Variants in TRPM6 observed in about 807,000 individuals in gnomAD.
The protein encoded by TRPM6 is channel kinase 2.
A neutral mutation model predicts 247.6 loss-of-function variants in TRPM6; 111 were observed. The ratio of observed to expected loss-of-function variants is 0.45; its 90% CI spans 0.38 to 0.52. The LOEUF (loss-of-function observed/expected upper bound fraction) is 0.52, where lower values mean the gene tolerates loss of function less well. TRPM6 is among the 20% of genes least tolerant of loss of function. The pLI, the probability that TRPM6 is intolerant of heterozygous loss-of-function variation, is 0.00. For missense variants in TRPM6, 2,126 were observed against 2,421.5 expected, an observed-to-expected ratio of 0.88 and a Z score of 2.56; for synonymous variants, 892 against 853.8, an observed-to-expected ratio of 1.04 and a Z score of -0.78.
intron 36 of TRPM6, among the ~76,000 whole-genome samples, chr9:74,733,258 A>G (rs931934016): frequency 3.3e-5 from 5 of 152,124 alleles, no homozygotes; most frequent in African/African-American, 9.7e-5. Flanking sequence ...AAATATATGA[A>G]GATACATAAA....
chr9:74,766,516 A>G (rs1349202262), intron 25 of TRPM6, among the ~76,000 whole-genome samples: 1 of 152,236 alleles, frequency 6.6e-6, no homozygotes. Flanking sequence ...CTGAGTGCTC[A>G]CTATGTGCCA....
At position 74,766,767 on chromosome 9, in the gene TRPM6, G is replaced by A. The variant is rs543449108; in HGVS notation, c.3537-3633C>T. On this transcript the variant is annotated intron_variant, in intron 25 of 38. Coordinates refer to ENST00000360774, the MANE Select transcript of TRPM6 (RefSeq NM_017662.5). ...CTCTACTAAAAAAAAAAAAATAGCC[G>A]GGCGTGGTGGCAGGCACCTGTAATC... Among the ~76,000 whole-genome samples the A allele has an allele frequency of 5.3e-5, 8 of 152,042 alleles. No homozygotes were observed. In the South Asian group the frequency reaches 6.2e-4, roughly 12 times the overall value.
chr9:74,747,511 C>T (rs1056983712), intron 31 of TRPM6, among the ~76,000 whole-genome samples: 1 of 152,154 alleles, frequency 6.6e-6, no homozygotes, highest in Non-Finnish European at 1.5e-5. Context: ...GGCCCCAGAT[C>T]TTACTAAAAC....
chr9:74,793,961 C>A (rs550931812), intron 18 of TRPM6, among the ~76,000 whole-genome samples: 2 of 151,936 alleles, frequency 1.3e-5, no homozygotes, highest in Non-Finnish European at 2.9e-5. Flanking sequence ...TACAAACACC[C>A]ATGCAGAATG....
intron 1 of TRPM6, chr9:74,875,267 G>T (rs1564062443): frequency 2.2e-6 from 1 of 455,220 alleles, no homozygotes; most frequent in East Asian, 7.0e-5. Context: ...GGAGGGCTGG[G>T]TGTGGTGACT....
chr9:74,770,149 C>T (rs1826982125), intron 25 of TRPM6, among the ~76,000 whole-genome samples: 1 of 151,966 alleles, frequency 6.6e-6, no homozygotes, highest in Non-Finnish European at 1.5e-5. Flanking sequence ...AAATATGGTA[C>T]CAATAGAGAA....
At chr9:74,771,539 A>C (rs1186277973) in intron 25 of TRPM6, among the ~76,000 whole-genome samples, 164 bp downstream of exon 25, 1 of 152,242 alleles carries the variant, frequency 6.6e-6, no homozygotes, top group Admixed American at 6.5e-5. Context: ...GTAGATGCTT[A>C]ATAAATATAC....
chr9:74,870,265 T>C (rs950452481), intron 1 of TRPM6, among the ~76,000 whole-genome samples: 1 of 152,170 alleles, frequency 6.6e-6, no homozygotes, highest in African/African-American at 2.4e-5. Context: ...ATGGGGAATA[T>C]AATATTCCTG....
intron 20 of TRPM6, among the ~76,000 whole-genome samples, 200 bp from the exon 21 acceptor site, chr9:74,786,325 T>C (rs1443024559): frequency 6.6e-6 from 1 of 152,232 alleles, no homozygotes. Flanking sequence ...ATAATTTAAG[T>C]CATTTGATAA....
rs889223244 is a variant in TRPM6 at position 74,788,671 on chromosome 9, C to T, written c.2610G>A (p.Val870=). 2.5e-6 allele frequency: 4 copies of T among 1,613,994 alleles called. No homozygotes were observed. The African/African-American group carries it at 4.0e-5, about 16-fold the overall frequency. The change falls in exon 20 of 39, where the codon GTG becomes GTA. Residue 870 remains valine, a synonymous_variant. Transcript: ENST00000360774. ...VLVEMQPQPS[V]QEWLVSIYIF... Reference sequence around the variant, plus strand: ...TGTAAATGCTAACAAGCCACTCCTGCACGCTGGGCTGGGGCTGCATCTCCA... The same window carrying T: ...TGTAAATGCTAACAAGCCACTCCTGTACGCTGGGCTGGGGCTGCATCTCCA...
chr9:74,824,218 T>C (rs189260309), intron 7 of TRPM6, among the ~76,000 whole-genome samples: 3 of 151,858 alleles, frequency 2.0e-5, no homozygotes, highest in Non-Finnish European at 2.9e-5. Flanking sequence ...TGGCACCATC[T>C]TAGCTCACTG....
chr9:74,782,334 A>G (rs937525270), intron 23 of TRPM6, 28 bp downstream of exon 23: 1 of 1,532,118 alleles, frequency 6.5e-7, no homozygotes, highest in Non-Finnish European at 9.0e-7. Context: ...TCTTATTTAA[A>G]TAATCATATT....
At chr9:74,884,064 G>T (rs539960866) in intron 1 of TRPM6, among the ~76,000 whole-genome samples, 1 of 152,160 alleles carries the variant, frequency 6.6e-6, no homozygotes, top group African/African-American at 2.4e-5. Context: ...CAGGAGAATC[G>T]CTTGAACCTG....
Position 74,762,458 on chromosome 9 carries a change from C to T in TRPM6, c.4213G>A (p.Glu1405Lys), listed in dbSNP as rs1334600751. The change falls in exon 26 of 39, where the codon GAA becomes AAA. Residue 1405 changes from glutamate (E) to lysine (K), a missense_variant. Physicochemically the swap from Glu to Lys is moderately conservative, Grantham distance 56 (BLOSUM62 1). This residue lies in a region of TRPM6 where 717 missense variants were observed against 715.9 expected (regional missense o/e 1.00). Coordinates refer to ENST00000360774, the MANE Select transcript of TRPM6 (RefSeq NM_017662.5). ...SDWASVDEPK[E>K]KHEPIAHLLD... ...AAGTGAGCAATAGGCTCGTGCTTTT[C>T]CTTGGGTTCATCCACTGATGCCCAG... 1 of 1,614,032 alleles carries T rather than the reference C, an allele frequency of 6.2e-7. No homozygotes were observed. Among genetic ancestry groups the T allele is most frequent in the East Asian group, 2.2e-5 (1 of 44,890 alleles).
At position 74,806,512 on chromosome 9, in the gene TRPM6, A is replaced by G. The variant is rs1386032591; in HGVS notation, c.1638+1522T>C. On this transcript the variant is annotated intron_variant, in intron 14 of 38. Coordinates refer to ENST00000360774, the MANE Select transcript of TRPM6 (RefSeq NM_017662.5). ...AGAAATGATGAGGTGAAGACTTTTT[A>G]AAGGCAACACCCAAATTATTATTAC... is the stretch of plus-strand genomic sequence containing the variant. Among the ~76,000 whole-genome samples the G allele has an allele frequency of 3.3e-5, 5 of 152,288 alleles. No individual in the cohort carries two copies. The East Asian group carries it at 7.7e-4, about 23-fold the overall frequency.
At chr9:74,757,509 T>G (rs1441450682) in intron 27 of TRPM6, among the ~76,000 whole-genome samples, 1 of 140,762 alleles carries the variant, frequency 7.1e-6, no homozygotes, top group Non-Finnish European at 1.5e-5. Context: ...GAGTTTGCAG[T>G]GAGCTGAGAT....
chr9:74,735,781 G>T (rs1280251288), intron 36 of TRPM6, among the ~76,000 whole-genome samples: 2 of 152,148 alleles, frequency 1.3e-5, no homozygotes, highest in Non-Finnish European at 2.9e-5. Flanking sequence ...AATTACAAGT[G>T]ATTGGAAATT....
chr9:74,884,504 T>TAC (rs1831467310), intron 1 of TRPM6, among the ~76,000 whole-genome samples: 4 of 147,998 alleles, frequency 2.7e-5, no homozygotes, highest in Admixed American at 1.4e-4. Context: ...TAAATACATA[T>TAC]ATACATACAT....
At chr9:74,788,483 A>G in intron 20 of TRPM6, 131 bp downstream of exon 20, 1 of 1,064,272 alleles carries the variant, frequency 9.4e-7, no homozygotes, top group Non-Finnish European at 1.5e-6. Flanking sequence ...ATGTAAGTCA[A>G]GGTCAGTGTG....
Sources: gnomAD v4.1 joint callset for allele counts (sites outside exome capture counted in the v4.1 genomes callset) on GRCh38, gnomAD v4.1.1 for gene constraint, gnomAD v4.1.1 regional missense constraint, MANE v1.5 for transcripts, NCBI Gene and HGNC (gene_info 2026-07-23, HGNC 2026-07-21) for gene names.